CTNNA3: variants seen among roughly 807,000 people sequenced by gnomAD.
CTNNA3 encodes the protein catenin alpha-3.
A neutral mutation model predicts 95.7 loss-of-function variants in CTNNA3; 76 were observed. The observed-to-expected ratio is 0.79, with a 90% CI of 0.66 to 0.96. The LOEUF (loss-of-function observed/expected upper bound fraction) is 0.96. CTNNA3 is among the 40% of genes least tolerant of loss of function. The pLI is 0.00. For synonymous variants in CTNNA3, 431 were observed against 374.4 expected (o/e 1.15, Z -1.74); for missense variants, 1,191 against 1,089.8 (o/e 1.09, Z -1.31).
chr10:67,499,670 T>C (rs1192823729), intron 5 of CTNNA3, among the ~76,000 whole-genome samples: 2 of 152,186 alleles, frequency 1.3e-5, no homozygotes, highest in Non-Finnish European at 1.5e-5. Context: ...GGAGGGCGTA[T>C]GTGTTGAGGA....
intron 10 of CTNNA3, among the ~76,000 whole-genome samples, chr10:66,619,961 T>C (rs143824134): frequency 6.6e-6 from 1 of 152,204 alleles, no homozygotes; most frequent in Non-Finnish European, 1.5e-5. Context: ...TCACAATAAT[T>C]GAGAAAGGAT....
At chr10:66,129,225 T>C (rs1220959666) in intron 13 of CTNNA3, among the ~76,000 whole-genome samples, 1 of 152,114 alleles carries the variant, frequency 6.6e-6, no homozygotes, top group Non-Finnish European at 1.5e-5. Context: ...GATTGTGCCA[T>C]TGCACTCCAG....
chr10:66,266,057 G>A (rs913856283), intron 13 of CTNNA3, among the ~76,000 whole-genome samples: 1 of 148,164 alleles, frequency 6.7e-6, no homozygotes, highest in Non-Finnish European at 1.5e-5. Context: ...GAGGGAGGGA[G>A]GAAAAGAAGG....
chr10:66,338,343 A>C (rs1485479762), intron 12 of CTNNA3, among the ~76,000 whole-genome samples: 2 of 152,054 alleles, frequency 1.3e-5, no homozygotes, highest in Non-Finnish European at 2.9e-5. Context: ...TATTGTGGTC[A>C]TGAAAATGCT....
At chr10:66,103,327 A>G in intron 13 of CTNNA3, 78 bp from the exon 14 acceptor site, 1 of 1,095,046 alleles carries the variant, frequency 9.1e-7, no homozygotes, top group Non-Finnish European at 1.4e-6. Flanking sequence ...GCAGTACCTT[A>G]AAAGGGTAAT....
intron 15 of CTNNA3, among the ~76,000 whole-genome samples, chr10:66,049,904 C>T (rs187590562): frequency 2.0e-5 from 3 of 152,024 alleles, no homozygotes; most frequent in Admixed American, 2.0e-4. Context: ...ATGTATTTGC[C>T]TATGTAACAA....
At chr10:65,927,977 C>A (rs74140871) in intron 17 of CTNNA3, among the ~76,000 whole-genome samples, 3,975 of 152,094 alleles carry the variant, frequency 0.026, 156 homozygotes, top group African/African-American at 0.09. Flanking sequence ...TATTTTGATT[C>A]TTTTTACATT....
intron 7 of CTNNA3, among the ~76,000 whole-genome samples, chr10:67,043,558 C>T (rs1854541432): frequency 6.6e-6 from 1 of 152,166 alleles, no homozygotes; most frequent in African/African-American, 2.4e-5. Flanking sequence ...CTGTAACACT[C>T]TGAATCTCAC....
intron 10 of CTNNA3, among the ~76,000 whole-genome samples, chr10:66,551,896 CT>C (rs141885331): frequency 0.085 from 9,661 of 113,940 alleles, 499 homozygotes; most frequent in East Asian, 0.41. Context: ...TTTTCTTTTC[CT>C]TTTTTTTTTT....
At chr10:66,718,588 GTAAA>G (rs1848527952) in intron 9 of CTNNA3, among the ~76,000 whole-genome samples, 1 of 149,964 alleles carries the variant, frequency 6.7e-6, no homozygotes, top group Non-Finnish European at 1.5e-5. Flanking sequence ...GTAATTTATG[GTAAA>G]TAAATTTATA....
intron 1 of CTNNA3, among the ~76,000 whole-genome samples, chr10:67,755,044 A>C (rs1841425610): frequency 6.6e-6 from 1 of 152,054 alleles, no homozygotes; most frequent in Non-Finnish European, 1.5e-5. Flanking sequence ...CAAAACAAAA[A>C]AATTAAAAAA....
At position 67,206,925 on chromosome 10, in the gene CTNNA3, G is replaced by C. The variant is rs78614532; in HGVS notation, c.843+12682C>G. 0.012 allele frequency among the ~76,000 whole-genome samples: 1,870 copies of C among 152,146 alleles called. 119 individuals are homozygous for C. In the East Asian group the frequency reaches 0.18, roughly 15 times the overall value. On this transcript the variant is annotated intron_variant, in intron 6 of 17. Transcript: ENST00000433211. ...GCAGATGGATTACTTGAGGTCAGGC[G>C]TTCGAGACCAGCTAAGCCAACATGG...
At chr10:65,935,593 G>T (rs2077324207) in intron 17 of CTNNA3, among the ~76,000 whole-genome samples, 2 of 152,152 alleles carry the variant, frequency 1.3e-5, no homozygotes, top group Admixed American at 1.3e-4. Context: ...CAGTTTAAAT[G>T]ATGAGAAAAT....
chr10:67,028,851 A>G (rs1853552967), intron 7 of CTNNA3, among the ~76,000 whole-genome samples: 1 of 152,148 alleles, frequency 6.6e-6, no homozygotes, highest in South Asian at 2.1e-4. Flanking sequence ...TGAGTAGACT[A>G]TTAGTAGTTT....
chr10:67,589,254 C>T (rs1358814938), intron 3 of CTNNA3, among the ~76,000 whole-genome samples: 1 of 152,162 alleles, frequency 6.6e-6, no homozygotes, highest in African/African-American at 2.4e-5. Flanking sequence ...CATACCATTA[C>T]AGTGTCATTT....
chr10:67,293,421 C>G (rs1404580508), intron 5 of CTNNA3, among the ~76,000 whole-genome samples: 3 of 152,126 alleles, frequency 2.0e-5, no homozygotes, highest in African/African-American at 4.8e-5. Context: ...GACACTATAT[C>G]AGATTTCTAA....
chr10:66,924,659 G>A (rs1039853566), intron 7 of CTNNA3, among the ~76,000 whole-genome samples: 2 of 152,172 alleles, frequency 1.3e-5, no homozygotes, highest in Non-Finnish European at 2.9e-5. Flanking sequence ...ATGAAGGTCA[G>A]TATAGTCAAT....
intron 12 of CTNNA3, among the ~76,000 whole-genome samples, chr10:66,353,589 G>A (rs2092583806): frequency 1.3e-5 from 2 of 152,080 alleles, no homozygotes; most frequent in South Asian, 4.1e-4. Flanking sequence ...AAAGAACATG[G>A]AAGTAAACTT....
chr10:67,757,535 A>G (rs1841440586), intron 1 of CTNNA3, among the ~76,000 whole-genome samples: 1 of 152,218 alleles, frequency 6.6e-6, no homozygotes, highest in South Asian at 2.1e-4. Context: ...AGCAGGCAGA[A>G]GTTGGAAAGA....
Sources: allele counts gnomAD v4.1 joint callset (sites outside exome capture counted in the v4.1 genomes callset), GRCh38; gene constraint gnomAD v4.1.1; transcripts MANE v1.5; gene names NCBI Gene and HGNC (gene_info 2026-07-23, HGNC 2026-07-21).